MMP24: variants seen among roughly 807,000 people sequenced by gnomAD.
MMP24 encodes matrix metallopeptidase 24, also known as matrix metalloproteinase-24.
Under a neutral mutation model 62.8 loss-of-function variants are expected in MMP24, and 25 were observed. The observed-to-expected ratio is 0.40, with a 90% CI of 0.29 to 0.56. The LOEUF (loss-of-function observed/expected upper bound fraction) is 0.56, where lower values mean the gene tolerates loss of function less well. MMP24 is among the 20% of genes least tolerant of loss of function. The pLI is 0.50. For missense variants in MMP24, 634 were observed against 853.6 expected (o/e 0.74, Z 3.21); for synonymous variants, 319 against 350.5 (o/e 0.91, Z 1.00).
Position 35,246,856 on chromosome 20 carries a change from A to G in MMP24, c.263A>G (p.Tyr88Cys), listed in dbSNP as rs752044588. 1.2e-6 allele frequency: 2 copies of G among 1,613,910 alleles called. No individual in the cohort carries two copies. Among genetic ancestry groups the G allele is most frequent in the East Asian group, 4.5e-5 (2 of 44,896 alleles). ...PFAGQNWLKSYGYLLPYDSRA... is the reference protein window; with the variant it reads ...PFAGQNWLKSCGYLLPYDSRA... ...GTCTTTCAGAACTGGTTAAAGTCCTATGGCTATCTGCTTCCCTATGACTCA... is the reference window on the plus strand; with the variant it reads ...GTCTTTCAGAACTGGTTAAAGTCCTGTGGCTATCTGCTTCCCTATGACTCA... Residue 88 changes from tyrosine to cysteine, a missense_variant, in exon 2 of 9, where the codon TAT becomes TGT. Physicochemically the swap from Tyr to Cys is radical, Grantham distance 194. Transcript: ENST00000246186.
At chr20:35,234,181 G>C (rs1346433099) in intron 1 of MMP24, among the ~76,000 whole-genome samples, 1 of 152,000 alleles carries the variant, frequency 6.6e-6, no homozygotes, top group Non-Finnish European at 1.5e-5. Flanking sequence ...CTTTCCTGGA[G>C]TCTCATTCTC....
intron 1 of MMP24, among the ~76,000 whole-genome samples, chr20:35,238,461 A>G (rs139809560): frequency 6.6e-6 from 1 of 152,298 alleles, no homozygotes; most frequent in East Asian, 1.9e-4. Context: ...AGGCTCCCCA[A>G]AGAGGGAGGA....
At chr20:35,243,586 G>A (rs1238267203) in intron 1 of MMP24, among the ~76,000 whole-genome samples, 1 of 150,444 alleles carries the variant, frequency 6.6e-6, no homozygotes, top group Non-Finnish European at 1.5e-5. Context: ...CCCTTCCCTC[G>A]AGGATGTTAA....
intron 1 of MMP24, among the ~76,000 whole-genome samples, chr20:35,234,447 T>G (rs1425555956): frequency 6.6e-6 from 1 of 152,228 alleles, no homozygotes; most frequent in Non-Finnish European, 1.5e-5. Flanking sequence ...ATTTATAATG[T>G]AATACAAAAT....
intron 4 of MMP24, among the ~76,000 whole-genome samples, chr20:35,260,786 C>T (rs756262394): frequency 1.8e-4 from 28 of 152,204 alleles, no homozygotes; most frequent in African/African-American, 3.6e-4. Flanking sequence ...AAGACACTGG[C>T]GGTGTCAGTA....
intron 1 of MMP24, among the ~76,000 whole-genome samples, chr20:35,239,547 G>A (rs975500035): frequency 2.6e-5 from 4 of 152,166 alleles, no homozygotes; most frequent in Admixed American, 1.3e-4. Flanking sequence ...AGACTAGTGT[G>A]CTGTGGCTCA....
intron 5 of MMP24, 170 bp downstream of exon 5, chr20:35,264,122 C>A: frequency 1.4e-6 from 1 of 717,088 alleles, no homozygotes. Context: ...GGCCAGAGGG[C>A]AAGGCTTCCC....
chr20:35,227,737 G>A (rs561681858), intron 1 of MMP24, among the ~76,000 whole-genome samples: 1 of 152,258 alleles, frequency 6.6e-6, no homozygotes, highest in East Asian at 1.9e-4. Context: ...CAGGCCTGGT[G>A]CTATGTTTTA....
At chr20:35,237,054 G>C (rs1005213158) in intron 1 of MMP24, among the ~76,000 whole-genome samples, 4 of 151,826 alleles carry the variant, frequency 2.6e-5, no homozygotes, top group African/African-American at 9.7e-5. Flanking sequence ...CTGCCTTTCA[G>C]CGGTTCTTTC....
Position 35,267,252 on chromosome 20 carries a change from C to T in MMP24, c.1027C>T (p.Pro343Ser), listed in dbSNP as rs764480571. 1.2e-6 allele frequency: 2 copies of T among 1,606,162 alleles called. No homozygotes were observed. The highest frequency in any genetic ancestry group is 3.4e-5 in the Admixed American group (2 of 58,968). ...GCCCACAAGGCCACTCCCTACACTC[C>T]CCGTCCGCAGGATCCACTCACCATC... ...LEPTRPLPTL[P>S]VRRIHSPSER... The change falls in exon 6 of 9, where the codon CCC becomes TCC. Residue 343 changes from proline to serine, a missense_variant. Transcript: ENST00000246186.
At chr20:35,251,639 C>G (rs1032699747) in intron 2 of MMP24, among the ~76,000 whole-genome samples, 1 of 152,158 alleles carries the variant, frequency 6.6e-6, no homozygotes, top group African/African-American at 2.4e-5. Flanking sequence ...GGTCCTATGA[C>G]TAGTGGTGGA....
At chr20:35,255,777 C>T (rs1345129741) in intron 4 of MMP24, among the ~76,000 whole-genome samples, 3 of 152,170 alleles carry the variant, frequency 2.0e-5, no homozygotes, top group Non-Finnish European at 4.4e-5. Context: ...GTCTCCTCGT[C>T]TGCAAAGTGA....
In MMP24 at chr20:35,271,585, G is replaced by T; in HGVS notation, c.1350G>T (p.Val450=). 1 of 1,613,122 alleles carries T rather than the reference G, an allele frequency of 6.2e-7. No homozygotes were observed. The highest frequency in any genetic ancestry group is 8.5e-7 in the Non-Finnish European group (1 of 1,179,574). The part of the protein sequence containing the change: ...FVFFKGDKYW[V]FKEVTVEPGY... ...TGGCCACAGGTGACAAGTATTGGGT[G>T]TTTAAGGAGGTGACGGTGGAGCCTG... Residue 450 remains valine, a synonymous_variant, in exon 8 of 9, where the codon GTG becomes GTT. Transcript: ENST00000246186. The surrounding 1 kb of genome is among the most constrained non-coding windows in gnomAD (Gnocchi z 4.0).
In MMP24 at chr20:35,267,195, C is replaced by T; in HGVS notation, c.980-10C>T. 1 of 1,574,424 alleles carries T rather than the reference C, an allele frequency of 6.4e-7. No homozygotes were observed. Among genetic ancestry groups the T allele is most frequent in the Non-Finnish European group, 8.6e-7 (1 of 1,160,936 alleles). ...CTGCCCCCTCTCTAAGATGCAGCTC[C>T]TCTCTCCAGGACCCCCAGCCGAGCC... On this transcript the variant is annotated splice_polypyrimidine_tract_variant and intron_variant, in intron 5 of 8. Coordinates refer to ENST00000246186, the MANE Select transcript of MMP24 (RefSeq NM_006690.4).
chr20:35,237,434 G>T (rs2060469478), intron 1 of MMP24, among the ~76,000 whole-genome samples: 1 of 152,148 alleles, frequency 6.6e-6, no homozygotes, highest in African/African-American at 2.4e-5. Context: ...CCTCTTATAA[G>T]GATGCTTGTG....
In MMP24 at chr20:35,271,462, G is replaced by A. The variant is rs2060668519; in HGVS notation, c.1334-107G>A. 1 of 1,393,930 alleles carries A rather than the reference G, an allele frequency of 7.2e-7. No homozygotes were observed. The highest frequency in any genetic ancestry group is 2.6e-5 in the Admixed American group (1 of 39,100). 86.3% of individuals were successfully genotyped at this position (1,393,930 alleles called of 1,614,324 possible). On this transcript the variant is annotated intron_variant, in intron 7 of 8. Transcript: ENST00000246186. This position sits in a 1 kb window ranked among gnomAD's most constrained non-coding sequence, Gnocchi z 4.0. Reference sequence around the variant, plus strand: ...CTTCGTGCCCTTCCCAACTCTAACTGGGCCAAGGGGCTGAGGGCATCAGAC... The same window carrying A: ...CTTCGTGCCCTTCCCAACTCTAACTAGGCCAAGGGGCTGAGGGCATCAGAC...
chr20:35,230,495 C>T (rs2060432825), intron 1 of MMP24, among the ~76,000 whole-genome samples: 1 of 152,190 alleles, frequency 6.6e-6, no homozygotes, highest in African/African-American at 2.4e-5. Flanking sequence ...GAAATAGGCA[C>T]TCATGGGCAT....
chr20:35,256,872 C>T (rs1285977845), intron 4 of MMP24, among the ~76,000 whole-genome samples: 2 of 152,066 alleles, frequency 1.3e-5, no homozygotes, highest in Admixed American at 6.6e-5. Flanking sequence ...CCATGAGAAA[C>T]GCTATCTTAA....
chr20:35,274,991 C>T lies in MMP24; in HGVS notation c.*382C>T, dbSNP rs1306931316. 2 of 226,376 alleles carry T rather than the reference C, an allele frequency of 8.8e-6. No individual in the cohort carries two copies. Among genetic ancestry groups the T allele is most frequent in the South Asian group, 1.5e-4 (2 of 13,078 alleles). 14.0% of individuals were successfully genotyped at this position (226,376 alleles called of 1,614,324 possible). A position where few individuals can be genotyped will look rare whatever the true frequency, so the allele number is the denominator to read the frequency against. ...GAACCCAGCACCCTCTGTGGGAAGC[C>T]AGCACTAGCTCTCATCCCCCATCCG... On this transcript the variant is annotated 3_prime_UTR_variant, in exon 9 of 9. Transcript: ENST00000246186. This position sits in a 1 kb window ranked among gnomAD's most constrained non-coding sequence, Gnocchi z 5.1.
Sources: allele counts gnomAD v4.1 joint callset (sites outside exome capture counted in the v4.1 genomes callset), GRCh38; gene constraint gnomAD v4.1.1; non-coding constraint Gnocchi (gnomAD v3.1); transcripts MANE v1.5; gene names NCBI Gene and HGNC (gene_info 2026-07-23, HGNC 2026-07-21).